The following ADGRD2 variants were observed in gnomAD, a reference collection of about 807,000 sequenced individuals.
The protein encoded by ADGRD2 is G protein-coupled receptor PGR24.
In ADGRD2, 71 loss-of-function variants were observed where a neutral mutation model predicts 44.4. The ratio of observed to expected loss-of-function variants is 1.60; its 90% confidence interval spans 1.32 to 1.95. The LOEUF is 1.95. ADGRD2 is among the 30% of genes most tolerant of loss of function. The pLI, the probability that ADGRD2 is intolerant of heterozygous loss-of-function variation, is 0.00. For synonymous variants in ADGRD2, 481 were observed against 224.8 expected, an observed-to-expected ratio of 2.14 and a Z score of -10.19; for missense variants, 1,039 against 512.4, an observed-to-expected ratio of 2.03 and a Z score of -9.92.
chr9:124,452,026 C>T, upstream of ADGRD2: 1 of 373,288 alleles, frequency 2.7e-6, no homozygotes, highest in Non-Finnish European at 5.3e-6. Flanking sequence ...CCAGAGTAGG[C>T]ATTCAACAAC....
At chr9:124,451,854 G>T (rs1249913752), upstream of ADGRD2, among the ~76,000 whole-genome samples, 1 of 152,184 alleles carries the variant, frequency 6.6e-6, no homozygotes, top group African/African-American at 2.4e-5. Context: ...CACTCACTAA[G>T]GGTGACCCCT....
intron 17 of ADGRD2, among the ~76,000 whole-genome samples, chr9:124,473,458 A>G (rs768597483): frequency 7.2e-5 from 11 of 152,122 alleles, no homozygotes; most frequent in Non-Finnish European, 1.5e-4. Flanking sequence ...CACCCTCCTC[A>G]TGGGATCATC....
chr9:124,477,306 G>A (rs947530250), intron 21 of ADGRD2, among the ~76,000 whole-genome samples: 1 of 152,212 alleles, frequency 6.6e-6, no homozygotes, highest in Non-Finnish European at 1.5e-5. Flanking sequence ...GGGGAGCCAT[G>A]CGGACCCTGA....
At chr9:124,469,147 T>TG (rs1237016132) in intron 14 of ADGRD2, 75 bp from the exon 18 acceptor site, 5 of 655,198 alleles carry the variant, frequency 7.6e-6, no homozygotes, top group Admixed American at 4.3e-5. Flanking sequence ...AGCTGCGGCT[T>TG]GGGGGGCGGA....
intron 17 of ADGRD2, among the ~76,000 whole-genome samples, chr9:124,470,867 G>A (rs967658518): frequency 6.6e-6 from 1 of 152,244 alleles, no homozygotes. Flanking sequence ...CCAGAAAGAG[G>A]GTGTTAAGGC....
intron 3 of ADGRD2, 110 bp from the exon 7 acceptor site, chr9:124,453,889 G>T (rs1393301936): frequency 1.7e-6 from 1 of 596,896 alleles, no homozygotes; most frequent in East Asian, 2.9e-5. Flanking sequence ...CCCCGAGCTG[G>T]CAACAGTGTC....
intron 19 of ADGRD2, 96 bp from the exon 23 acceptor site, chr9:124,476,261 A>C: frequency 1.6e-6 from 1 of 617,500 alleles, no homozygotes; most frequent in Non-Finnish European, 2.9e-6. Context: ...GTGGATTCTT[A>C]GCGTATTTGA....
At chr9:124,452,260 A>G (rs1347065285) in intron 1 of ADGRD2, 106 bp downstream of exon 4, 1 of 637,320 alleles carries the variant, frequency 1.6e-6, no homozygotes, top group Admixed American at 2.6e-5. Context: ...GAAGAGTAAC[A>G]TTTAGTTCCA....
intron 10 of ADGRD2, among the ~76,000 whole-genome samples, chr9:124,464,298 T>G (rs563255719): frequency 6.6e-6 from 1 of 152,264 alleles, no homozygotes; most frequent in African/African-American, 2.4e-5. Context: ...TATGAACATT[T>G]TGGTGCATTT....
intron 10 of ADGRD2, among the ~76,000 whole-genome samples, chr9:124,460,331 TAG>T (rs1194289512): frequency 1.3e-5 from 2 of 151,172 alleles, no homozygotes; most frequent in Non-Finnish European, 2.9e-5. Flanking sequence ...GCCTCCTGAG[TAG>T]CTGGGACTAC....
At chr9:124,468,301 TGGGGAGGAGCAGGGCCC>T (rs1172988101) in intron 13 of ADGRD2, 111 bp downstream of exon 16, 45 of 696,114 alleles carry the variant, frequency 6.5e-5, no homozygotes, top group East Asian at 3.0e-4. Flanking sequence ...TCCACTTCCC[TGGGGAGGAGCAGGGCCC>T]GGGGAGGAGC....
chr9:124,475,338 C>T (rs1231387772), intron 17 of ADGRD2, 108 bp from the exon 21 acceptor site: 3 of 637,300 alleles, frequency 4.7e-6, no homozygotes, highest in Non-Finnish European at 8.6e-6. Context: ...CTGGGTATCT[C>T]TGCAAGTGTC....
chr9:124,469,494 C>A (rs771873677), exon 16 of ADGRD2: 1 of 718,146 alleles, frequency 1.4e-6, no homozygotes, highest in South Asian at 1.5e-5. Context: ...GCCGCCGTGC[C>A]CGCATGTTGA....
At chr9:124,451,002 C>T (rs1224305139), upstream of ADGRD2, 3 of 467,568 alleles carry the variant, frequency 6.4e-6, no homozygotes, top group Non-Finnish European at 1.3e-5. Context: ...AGGGTATCCC[C>T]GCTGAGCACA....
chr9:124,464,105 G>A lies in ADGRD2; in HGVS notation c.1871-2153G>A, dbSNP rs143893613. 3.2e-3 allele frequency among the ~76,000 whole-genome samples: 489 copies of A among 152,074 alleles called. 6 individuals are homozygous for A. The highest frequency in any genetic ancestry group is 0.011 in the African/African-American group (465 of 41,498). On this transcript the variant is annotated intron_variant, in intron 10 of 21. Coordinates refer to ENST00000334810, the Ensembl canonical transcript of ADGRD2. ...TCCTCCTGCCTCAGCCTCCCAAAGT[G>A]AGCCACCACGCCCAGCCTTGTTTAA...
intron 17 of ADGRD2, among the ~76,000 whole-genome samples, chr9:124,474,781 A>G (rs1832013984): frequency 6.6e-6 from 1 of 152,078 alleles, no homozygotes; most frequent in South Asian, 2.1e-4. Flanking sequence ...TCAAATGGGG[A>G]GAATGAATCC....
At chr9:124,476,617 C>T in intron 20 of ADGRD2, 62 bp from the exon 24 acceptor site, 1 of 672,220 alleles carries the variant, frequency 1.5e-6, no homozygotes, top group South Asian at 1.6e-5. Flanking sequence ...GCCAAGGGTC[C>T]CCAGGGCAAG....
chr9:124,467,559 C>CT (rs1831848198), intron 11 of ADGRD2, among the ~76,000 whole-genome samples, 162 bp from the exon 15 acceptor site: 1 of 152,108 alleles, frequency 6.6e-6, no homozygotes, highest in Non-Finnish European at 1.5e-5. Flanking sequence ...CTCACACCTG[C>CT]TTATTAAATG....
At chr9:124,458,689 G>A in exon 10 of ADGRD2, 1 of 718,626 alleles carries the variant, frequency 1.4e-6, no homozygotes, top group South Asian at 1.5e-5. Flanking sequence ...GGTCAACGTG[G>A]CCATGACCTT....
Sources: gnomAD v4.1 joint callset for allele counts (sites outside exome capture counted in the v4.1 genomes callset) on GRCh38, gnomAD v4.1.1 for gene constraint, MANE v1.5 for transcripts, NCBI Gene and HGNC (gene_info 2026-07-23, HGNC 2026-07-21) for gene names.